The following NOSTRIN variants were observed in gnomAD, a reference collection of about 807,000 sequenced individuals.
The protein encoded by NOSTRIN is nitric oxide synthase trafficking.
A neutral mutation model predicts 59.0 loss-of-function variants in NOSTRIN; 63 were observed. The observed-to-expected ratio is 1.07, with a 90% CI of 0.87 to 1.32. The LOEUF is 1.32. Ranked by LOEUF, NOSTRIN falls within the 40% of genes most tolerant of loss-of-function variation. The pLI is 0.00. For synonymous variants in NOSTRIN, 200 were observed against 165.4 expected (o/e 1.21, Z -1.61); for missense variants, 512 against 473.1 (o/e 1.08, Z -0.76).
chr2:168,811,656 C>T lies in NOSTRIN; in HGVS notation c.113+4C>T. 1 of 844,286 alleles carries T rather than the reference C, an allele frequency of 1.2e-6. No homozygotes were observed. The highest frequency in any genetic ancestry group is 2.5e-5 in the East Asian group (1 of 40,544). The allele number at this position is 844,286 out of a possible 1,614,324, so 52.3% of individuals were successfully genotyped here. On this transcript the variant is annotated splice_donor_region_variant and intron_variant, in intron 2 of 15. Coordinates refer to ENST00000317647, the MANE Select transcript of NOSTRIN (RefSeq NM_001039724.4). ...TCACATCTGTTCTTCAGCAAAGGTA[C>T]AAAATGCACGTTTGCAATAAATGGT...
chr2:168,856,430 C>T lies in NOSTRIN; in HGVS notation c.965-260C>T, dbSNP rs532324519. ...TCTCTACTAAAAATACGAAAATTAGCCGGACATGGTGGCATACACCTGTAA... is the reference window on the plus strand; with the variant it reads ...TCTCTACTAAAAATACGAAAATTAGTCGGACATGGTGGCATACACCTGTAA... On this transcript the variant is annotated intron_variant, in intron 11 of 15. Coordinates refer to ENST00000317647, the MANE Select transcript of NOSTRIN (RefSeq NM_001039724.4). 107 of 410,552 alleles carry T rather than the reference C, an allele frequency of 2.6e-4. 1 individual carries two copies. The highest frequency in any genetic ancestry group is 2.0e-3 in the African/African-American group (99 of 48,856). 25.4% of individuals were successfully genotyped at this position (410,552 alleles called of 1,614,324 possible).
chr2:168,838,511 A>G (rs1244899603), intron 7 of NOSTRIN, among the ~76,000 whole-genome samples: 3 of 152,160 alleles, frequency 2.0e-5, no homozygotes, highest in Non-Finnish European at 2.9e-5. Flanking sequence ...AAATACTGGG[A>G]TTACAGGCGC....
chr2:168,791,796 T>C (rs1685360809), intron 2 of NOSTRIN, among the ~76,000 whole-genome samples: 1 of 152,256 alleles, frequency 6.6e-6, no homozygotes, highest in Non-Finnish European at 1.5e-5. Flanking sequence ...TTTTGACAAG[T>C]GTCTGTTCAT....
intron 1 of NOSTRIN, 29 bp from the exon 2 acceptor site, chr2:168,811,538 G>T (rs1215766234): frequency 1.3e-6 from 1 of 760,032 alleles, no homozygotes; most frequent in Non-Finnish European, 2.3e-6. Flanking sequence ...CCTGTTCATT[G>T]TTTTTTTGTT....
chr2:168,795,847 T>A (rs949573785), upstream of NOSTRIN, among the ~76,000 whole-genome samples: 2 of 152,240 alleles, frequency 1.3e-5, no homozygotes, highest in African/African-American at 4.8e-5. Flanking sequence ...ACAGCATTAG[T>A]GTTTGTCCCC....
chr2:168,797,066 CTT>C (rs1227423249), upstream of NOSTRIN, among the ~76,000 whole-genome samples: 23 of 114,136 alleles, frequency 2.0e-4, no homozygotes, highest in African/African-American at 7.4e-4. Flanking sequence ...TTCTTTCTTT[CTT>C]TTTCTTTTTT....
intron 5 of NOSTRIN, 117 bp from the exon 6 acceptor site, chr2:168,831,355 A>G: frequency 1.6e-6 from 1 of 645,116 alleles, no homozygotes; most frequent in Non-Finnish European, 2.9e-6. Flanking sequence ...TCCAAATACC[A>G]TCACATTGAG....
chr2:168,793,095 C>T (rs1173811121), intron 2 of NOSTRIN, among the ~76,000 whole-genome samples: 1 of 152,194 alleles, frequency 6.6e-6, no homozygotes, highest in Non-Finnish European at 1.5e-5. Flanking sequence ...GGGCTTCGTT[C>T]TAGATTCCTC....
At chr2:168,803,333 AG>A (rs1685687783) in intron 1 of NOSTRIN, among the ~76,000 whole-genome samples, 1 of 152,176 alleles carries the variant, frequency 6.6e-6, no homozygotes, top group African/African-American at 2.4e-5. Context: ...ACTAAAATAA[AG>A]GGGGGGATAT....
At chr2:168,809,400 A>AG (rs1008731451) in intron 1 of NOSTRIN, among the ~76,000 whole-genome samples, 2 of 152,178 alleles carry the variant, frequency 1.3e-5, no homozygotes, top group Non-Finnish European at 2.9e-5. Context: ...TATAGATCAA[A>AG]GGGGGAGGGA....
At position 168,804,408 on chromosome 2, in the gene NOSTRIN, T is replaced by C. The variant is rs373060065; in HGVS notation, c.27+1735T>C. 3.2e-4 allele frequency among the ~76,000 whole-genome samples: 48 copies of C among 152,328 alleles called. No individual in the cohort carries two copies. In the East Asian group the frequency reaches 6.0e-3, roughly 19 times the overall value. On this transcript the variant is annotated intron_variant, in intron 1 of 15. Transcript: ENST00000317647. ...CTTCAGCCTGGGTTTCCAAACCCTCTAAACTCACAGAACATTTATTTATTT... is the reference window on the plus strand; with the variant it reads ...CTTCAGCCTGGGTTTCCAAACCCTCCAAACTCACAGAACATTTATTTATTT...
chr2:168,816,889 C>T (rs1240610578), intron 2 of NOSTRIN, among the ~76,000 whole-genome samples: 7 of 152,178 alleles, frequency 4.6e-5, no homozygotes, highest in Non-Finnish European at 8.8e-5. Flanking sequence ...GCCTTGAAGG[C>T]ACTCATAACG....
chr2:168,831,142 G>A (rs953575573), intron 5 of NOSTRIN, among the ~76,000 whole-genome samples: 1 of 152,160 alleles, frequency 6.6e-6, no homozygotes, highest in Admixed American at 6.5e-5. Flanking sequence ...CAGTTCTGGA[G>A]GCTGGGAAGT....
chr2:168,806,043 A>G (rs535079753), intron 1 of NOSTRIN, among the ~76,000 whole-genome samples: 2 of 152,194 alleles, frequency 1.3e-5, no homozygotes, highest in African/African-American at 4.8e-5. Flanking sequence ...CCCGTAATCT[A>G]TGACAGTCTG....
At chr2:168,823,007 A>T (rs990907892) in intron 2 of NOSTRIN, among the ~76,000 whole-genome samples, 1 of 151,864 alleles carries the variant, frequency 6.6e-6, no homozygotes, top group African/African-American at 2.4e-5. Context: ...TAGTTGTATT[A>T]CTTTTGTTTT....
upstream of NOSTRIN, among the ~76,000 whole-genome samples, chr2:168,796,517 G>A (rs1437872654): frequency 6.6e-6 from 1 of 152,152 alleles, no homozygotes; most frequent in Admixed American, 6.5e-5. Context: ...AATTCTCTTA[G>A]ATGTTCTTGG....
chr2:168,840,273 G>A (rs917925736), intron 7 of NOSTRIN, among the ~76,000 whole-genome samples: 10 of 152,066 alleles, frequency 6.6e-5, no homozygotes, highest in Admixed American at 2.6e-4. Flanking sequence ...GCTCACGCCT[G>A]TAATCCCAGC....
At chr2:168,840,543 A>AAAC (rs1206801880) in intron 7 of NOSTRIN, among the ~76,000 whole-genome samples, 1 of 151,364 alleles carries the variant, frequency 6.6e-6, no homozygotes, top group Non-Finnish European at 1.5e-5. Flanking sequence ...AAAAAAAAAA[A>AAAC]AAAAAAAACA....
intron 11 of NOSTRIN, chr2:168,856,211 G>T (rs1035818401): frequency 1.3e-4 from 28 of 222,958 alleles, no homozygotes; most frequent in South Asian, 3.4e-4. Context: ...GAAGAGAAAG[G>T]TAAACAGTTC....
Sources: allele counts gnomAD v4.1 joint callset (sites outside exome capture counted in the v4.1 genomes callset), GRCh38; gene constraint gnomAD v4.1.1; transcripts MANE v1.5; gene names NCBI Gene and HGNC (gene_info 2026-07-23, HGNC 2026-07-21).